BCAM: variants seen among roughly 807,000 people sequenced by gnomAD.
The protein encoded by BCAM is basal cell adhesion molecule (Lutheran blood group).
A neutral mutation model predicts 72.4 loss-of-function variants in BCAM; 61 were observed. That is an observed-to-expected ratio of 0.84 (90% CI 0.69 to 1.04). The LOEUF is 1.04. BCAM is among the 50% of genes least tolerant of loss of function. BCAM has a pLI of 0.00. For missense variants in BCAM, 909 were observed against 895.0 expected (o/e 1.02, Z -0.20); for synonymous variants, 408 against 384.2 (o/e 1.06, Z -0.73).
At position 44,818,510 on chromosome 19, in the gene BCAM, C is replaced by A; in HGVS notation, c.1079-12C>A. On this transcript the variant is annotated splice_polypyrimidine_tract_variant and intron_variant, in intron 8 of 14. Coordinates refer to ENST00000270233, the MANE Select transcript of BCAM (RefSeq NM_005581.5). The surrounding 1 kb of genome is among the most constrained non-coding windows in gnomAD (Gnocchi z 4.6). ...CGGTCTGGGACGAGTGACAGACTGT[C>A]CCCCACTGCAGATCTGGACCCCCTG... 1 of 1,610,634 alleles carries A rather than the reference C, an allele frequency of 6.2e-7. No individual in the cohort carries two copies. The highest frequency in any genetic ancestry group is 8.5e-7 in the Non-Finnish European group (1 of 1,177,470).
chr19:44,811,131 G>C (rs1968413156), intron 1 of BCAM, 94 bp from the exon 2 acceptor site: 1 of 1,580,284 alleles, frequency 6.3e-7, no homozygotes, highest in Non-Finnish European at 8.6e-7. Flanking sequence ...GAGGGGCTGG[G>C]ACCTGGACGC....
chr19:44,811,400 G>A (rs1250877935), intron 2 of BCAM, 54 bp downstream of exon 2: 8 of 1,607,348 alleles, frequency 5.0e-6, no homozygotes, highest in South Asian at 4.4e-5. Flanking sequence ...GGCAGCAAAG[G>A]TTCATTCTCT....
chr19:44,820,122 A>C, intron 13 of BCAM: 2 of 1,024,110 alleles, frequency 2.0e-6, no homozygotes, highest in Non-Finnish European at 1.2e-6. Flanking sequence ...CCCCCTTCAA[A>C]CCATCCTCAA....
Position 44,811,217 on chromosome 19 carries a change from T to C in BCAM, c.83-8T>C, listed in dbSNP as rs1599883192. On this transcript the variant is annotated splice_region_variant and splice_polypyrimidine_tract_variant and intron_variant, in intron 1 of 14. Coordinates refer to ENST00000270233, the MANE Select transcript of BCAM (RefSeq NM_005581.5). ...GTGGTGGATGATAGCTCAGTTGCTC[T>C]CTTGCAGATGCCCAGGCGGAGGTGC... is the stretch of plus-strand genomic sequence containing the variant. 1 of 1,611,808 alleles carries C rather than the reference T, an allele frequency of 6.2e-7. No homozygotes were observed. Among genetic ancestry groups the C allele is most frequent in the East Asian group, 2.2e-5 (1 of 44,880 alleles).
chr19:44,820,858 C>A, intron 14 of BCAM, 36 bp downstream of exon 14: 1 of 1,539,126 alleles, frequency 6.5e-7, no homozygotes, highest in South Asian at 1.2e-5. Context: ...TGAGAGGGAC[C>A]TGCTGGGCAG....
Position 44,812,660 on chromosome 19 carries a change from AG to A in BCAM, c.504+116del. Reference sequence around the variant, plus strand: ...GGGGACCCCTGGGTAATAAAGGAGGAGGGGTAAGGCCAGGCGAGGTGGCTCA... The same window carrying A: ...GGGGACCCCTGGGTAATAAAGGAGGAGGGTAAGGCCAGGCGAGGTGGCTCA... On this transcript the variant is annotated intron_variant, in intron 4 of 14. Coordinates refer to ENST00000270233, the MANE Select transcript of BCAM (RefSeq NM_005581.5). This position sits in a 1 kb window ranked among gnomAD's most constrained non-coding sequence, Gnocchi z 5.3. 7.6e-7 allele frequency: 1 copy of A among 1,310,138 alleles called. No homozygotes were observed. The highest frequency in any genetic ancestry group is 1.4e-5 in the South Asian group (1 of 73,088). 81.2% of individuals were successfully genotyped at this position (1,310,138 alleles called of 1,614,324 possible).
chr19:44,812,905 A>C lies in BCAM; in HGVS notation c.505-345A>C, dbSNP rs950796492. 1.5e-4 allele frequency: 60 copies of C among 408,856 alleles called. 1 individual carries two copies. Among genetic ancestry groups the C allele is most frequent in the African/African-American group, 1.2e-3 (56 of 48,152 alleles). The allele number at this position is 408,856 out of a possible 1,614,324, so 25.3% of individuals were successfully genotyped here. On this transcript the variant is annotated intron_variant, in intron 4 of 14. Coordinates refer to ENST00000270233, the MANE Select transcript of BCAM (RefSeq NM_005581.5). The surrounding 1 kb of genome is among the most constrained non-coding windows in gnomAD (Gnocchi z 5.3). ...GCAGAGGCTACAGTGAGCTAAGATC[A>C]CACCACTGCACTCCAGCCTGGGCCA...
At position 44,813,407 on chromosome 19, in the gene BCAM, G is replaced by T. The variant is rs748544698; in HGVS notation, c.602-31G>T. 6.2e-7 allele frequency: 1 copy of T among 1,607,694 alleles called. No individual in the cohort carries two copies. The highest frequency in any genetic ancestry group is 1.1e-5 in the South Asian group (1 of 90,880). ...GGGTGGGTGGCGGGGCTATGGCCTG[G>T]CTGACTGCCACCTCCCCCGATCTCT... On this transcript the variant is annotated intron_variant, in intron 5 of 14. Transcript: ENST00000270233. The surrounding 1 kb of genome is among the most constrained non-coding windows in gnomAD (Gnocchi z 4.2).
Position 44,817,349 on chromosome 19 carries a change from C to T in BCAM, c.1079-1173C>T, listed in dbSNP as rs182376048. ...CCCAACTTGGTCTACTCAAGAAAAA[C>T]AGCAAGAGAACGGGGTAGCTGGGAG... On this transcript the variant is annotated intron_variant, in intron 8 of 14. Coordinates refer to ENST00000270233, the MANE Select transcript of BCAM (RefSeq NM_005581.5). 2.5e-3 allele frequency among the ~76,000 whole-genome samples: 384 copies of T among 152,288 alleles called. 1 individual carries two copies. Among genetic ancestry groups the T allele is most frequent in the African/African-American group, 9.0e-3 (374 of 41,566 alleles).
At position 44,812,975 on chromosome 19, in the gene BCAM, A is replaced by G; in HGVS notation, c.505-275A>G. The G allele has an allele frequency of 2.1e-6, 1 of 467,410 alleles. No individual in the cohort carries two copies. Among genetic ancestry groups the G allele is most frequent in the Non-Finnish European group, 3.7e-6 (1 of 267,070 alleles). The allele number at this position is 467,410 out of a possible 1,614,324, so 29.0% of individuals were successfully genotyped here. A position where few individuals can be genotyped will look rare whatever the true frequency, so the allele number is the denominator to read the frequency against. ...AAAAAAAAAAAAAAAAAGAAGAAGA[A>G]AAGAAAAAAGAAAGGAAGGGCAGAG... is the stretch of plus-strand genomic sequence containing the variant. On this transcript the variant is annotated intron_variant, in intron 4 of 14. Transcript: ENST00000270233. This position sits in a 1 kb window ranked among gnomAD's most constrained non-coding sequence, Gnocchi z 5.3.
At position 44,813,463 on chromosome 19, in the gene BCAM, C is replaced by G. The variant is rs780731531; in HGVS notation, c.627C>G (p.Val209=). 6.2e-7 allele frequency: 1 copy of G among 1,611,844 alleles called. No homozygotes were observed. The highest frequency in any genetic ancestry group is 1.3e-5 in the African/African-American group (1 of 74,920). Residue 209 remains valine, a synonymous_variant, in exon 6 of 15, where the codon GTC becomes GTG. Coordinates refer to ENST00000270233, the MANE Select transcript of BCAM (RefSeq NM_005581.5). The surrounding 1 kb of genome is among the most constrained non-coding windows in gnomAD (Gnocchi z 4.2). ...NPEGYMTSRT[V]REASGLLSLT... is the part of the protein sequence containing the mutation. ...AGGGCTACATGACCAGCCGCACGGT[C>G]CGGGAGGCCTCGGGCCTGCTCTCCC...
Position 44,819,637 on chromosome 19 carries a change from G to A in BCAM, c.1674G>A (p.Val558=), listed in dbSNP as rs531791203. Residue 558 remains valine (V), a synonymous_variant, in exon 13 of 15, where the codon GTG becomes GTA. Transcript: ENST00000270233. ...GVAVMAVAVS[V]GLLLLVVAVF... is the part of the protein sequence containing the mutation. ...CCGTCATGGCCGTGGCCGTCAGCGT[G>A]GGCCTCCTGCTCCTCGTCGTTGCTG... 2 of 1,613,610 alleles carry A rather than the reference G, an allele frequency of 1.2e-6. No individual in the cohort carries two copies. The highest frequency in any genetic ancestry group is 1.7e-6 in the Non-Finnish European group (2 of 1,179,766).
At position 44,814,124 on chromosome 19, in the gene BCAM, A is replaced by G. The variant is rs1284236410; in HGVS notation, c.785-28A>G. 6.4e-7 allele frequency: 1 copy of G among 1,558,858 alleles called. No homozygotes were observed. Among genetic ancestry groups the G allele is most frequent in the Admixed American group, 1.9e-5 (1 of 52,390 alleles). On this transcript the variant is annotated intron_variant, in intron 6 of 14. Coordinates refer to ENST00000270233, the MANE Select transcript of BCAM (RefSeq NM_005581.5). The surrounding 1 kb of genome is among the most constrained non-coding windows in gnomAD (Gnocchi z 4.6). ...TAGCCTTGACCCTTCCCCTGATCACAATTCCCATCTCCCTGCCCTTCCCTT... is the reference window on the plus strand; with the variant it reads ...TAGCCTTGACCCTTCCCCTGATCACGATTCCCATCTCCCTGCCCTTCCCTT...
intron 14 of BCAM, 36 bp from the exon 15 acceptor site, chr19:44,820,880 C>T (rs754059816): frequency 7.1e-6 from 11 of 1,555,170 alleles, no homozygotes; most frequent in African/African-American, 1.4e-5. Flanking sequence ...GGAGCACGCC[C>T]GTGGGCACAG....
chr19:44,820,587 C>G (rs907063561), intron 13 of BCAM, 118 bp from the exon 14 acceptor site: 7 of 1,309,796 alleles, frequency 5.3e-6, no homozygotes, highest in Non-Finnish European at 5.8e-6. Context: ...CCAGCACACC[C>G]CCATCCTCAC....
In BCAM at chr19:44,812,182, G is replaced by C; in HGVS notation, c.224G>C (p.Arg75Pro). ...CCACAGACCGACCGCTCGGGAGCTC[G>C]CCCCCGCCTAGCCTCGGCTGAGATG... Reference protein sequence around the residue: ...EWFLTDRSGARPRLASAEMQG... With the variant: ...EWFLTDRSGAPPRLASAEMQG... The change falls in exon 3 of 15, where the codon CGC becomes CCC. Residue 75 changes from arginine (R) to proline (P), a missense_variant. By Grantham distance (103) the Arg-to-Pro change is moderately radical. Coordinates refer to ENST00000270233, the MANE Select transcript of BCAM (RefSeq NM_005581.5). The surrounding 1 kb of genome is among the most constrained non-coding windows in gnomAD (Gnocchi z 5.3). The C allele has an allele frequency of 6.2e-7, 1 of 1,602,140 alleles. No individual in the cohort carries two copies. The highest frequency in any genetic ancestry group is 8.5e-7 in the Non-Finnish European group (1 of 1,177,436).
rs907830136 is a variant in BCAM, at chr19:44,813,727, C to G, written c.784+107C>G. 3 of 1,419,410 alleles carry G rather than the reference C, an allele frequency of 2.1e-6. No homozygotes were observed. The African/African-American group carries it at 4.3e-5, about 20-fold the overall frequency. The allele number at this position is 1,419,410 out of a possible 1,614,324, so 87.9% of individuals were successfully genotyped here. A position where few individuals can be genotyped will look rare whatever the true frequency, so the allele number is the denominator to read the frequency against. ...TCCCCTCTGACCCTCTGCCTCCCTA[C>G]TTCATGCTAAAAAAAAATGTGCTAG... On this transcript the variant is annotated intron_variant, in intron 6 of 14. Transcript: ENST00000270233. This position sits in a 1 kb window ranked among gnomAD's most constrained non-coding sequence, Gnocchi z 4.2.
chr19:44,814,628 G>A lies in BCAM; in HGVS notation c.946G>A (p.Val316Met), dbSNP rs1968477842. 1.2e-6 allele frequency: 2 copies of A among 1,613,846 alleles called. No homozygotes were observed. The highest frequency in any genetic ancestry group is 3.3e-5 in the Admixed American group (2 of 59,974). Residue 316 changes from valine (V) to methionine (M), a missense_variant, in exon 8 of 15, where the codon GTG (valine) becomes ATG (methionine). Physicochemically the swap from Val to Met is conservative, Grantham distance 21 (BLOSUM62 1). Coordinates refer to ENST00000270233, the MANE Select transcript of BCAM (RefSeq NM_005581.5). This position sits in a 1 kb window ranked among gnomAD's most constrained non-coding sequence, Gnocchi z 4.6. Reference sequence around the variant, plus strand: ...GGATGAGCAGGAGGAAGTGCTGAATGTGAATCTCGAGGGGAACTTGACCCT... The same window carrying A: ...GGATGAGCAGGAGGAAGTGCTGAATATGAATCTCGAGGGGAACTTGACCCT... ...LQDEQEEVLN[V>M]NLEGNLTLEG...
rs571983634 is a variant in BCAM at position 44,813,165 on chromosome 19, T to C, written c.505-85T>C. On this transcript the variant is annotated intron_variant, in intron 4 of 14. Transcript: ENST00000270233. This position sits in a 1 kb window ranked among gnomAD's most constrained non-coding sequence, Gnocchi z 4.2. ...GGGAGTTAGGAGCCCGGCTCATGAG[T>C]CTGAGTGGGGAGAACTCCTGAGAGA... 7 of 1,467,782 alleles carry C rather than the reference T, an allele frequency of 4.8e-6. No homozygotes were observed. The East Asian group carries it at 6.8e-5, about 14-fold the overall frequency. The allele number at this position is 1,467,782 out of a possible 1,614,324, so 90.9% of individuals were successfully genotyped here. A position where few individuals can be genotyped will look rare whatever the true frequency, so the allele number is the denominator to read the frequency against.
Sources: allele counts gnomAD v4.1 joint callset (sites outside exome capture counted in the v4.1 genomes callset), GRCh38; gene constraint gnomAD v4.1.1; non-coding constraint Gnocchi (gnomAD v3.1); transcripts MANE v1.5; gene names NCBI Gene and HGNC (gene_info 2026-07-23, HGNC 2026-07-21).